CPM: variants seen among roughly 807,000 people sequenced by gnomAD.
The protein encoded by CPM is renal carboxypeptidase.
In CPM, 35 loss-of-function variants were observed where a neutral mutation model predicts 46.4. That is an observed-to-expected ratio of 0.75 (90% CI 0.58 to 1.00). The LOEUF is 1.00. Among genes scored for constraint, CPM ranks in the 50% least tolerant of loss-of-function variants. The pLI is 0.00. For missense variants in CPM, 422 were observed against 530.4 expected (o/e 0.80, Z 2.01); for synonymous variants, 195 against 195.3 (o/e 1.00, Z 0.01).
intron 1 of CPM, among the ~76,000 whole-genome samples, chr12:68,952,608 C>T (rs917605812): frequency 2.6e-5 from 4 of 152,218 alleles, no homozygotes; most frequent in South Asian, 2.1e-4. Flanking sequence ...CCACCTCCCT[C>T]CCCTCATCCC....
At chr12:68,924,244 C>A (rs1245880782) in intron 2 of CPM, among the ~76,000 whole-genome samples, 1 of 151,418 alleles carries the variant, frequency 6.6e-6, no homozygotes, top group Admixed American at 6.6e-5. Flanking sequence ...CGCCTGTAAT[C>A]CCAGCACTTT....
At chr12:68,951,355 T>C (rs1173711035) in intron 1 of CPM, among the ~76,000 whole-genome samples, 1 of 152,226 alleles carries the variant, frequency 6.6e-6, no homozygotes, top group Non-Finnish European at 1.5e-5. Context: ...GCTTAGGGTT[T>C]AGCTGGGGAT....
At chr12:68,913,576 G>C (rs1305537069) in intron 2 of CPM, among the ~76,000 whole-genome samples, 1 of 152,114 alleles carries the variant, frequency 6.6e-6, no homozygotes. Context: ...CTTTGCAAAG[G>C]ATCACGTGTA....
chr12:68,904,279 C>G (rs1445420372), intron 2 of CPM, among the ~76,000 whole-genome samples: 1 of 152,236 alleles, frequency 6.6e-6, no homozygotes, highest in African/African-American at 2.4e-5. Context: ...CAGAGACACT[C>G]TTGACTATAA....
At chr12:68,847,447 CCTTT>C (rs1308015787), downstream of CPM, 8 of 91,176 alleles carry the variant, frequency 8.8e-5, 1 homozygote, top group Non-Finnish European at 1.4e-4. Context: ...TTTTGTATCT[CCTTT>C]CTTTTTTTTT....
intron 1 of CPM, among the ~76,000 whole-genome samples, chr12:68,959,355 C>T (rs1487652503): frequency 1.3e-5 from 2 of 152,216 alleles, no homozygotes; most frequent in South Asian, 2.1e-4. Context: ...CCTAATAAGA[C>T]ATTTCAACTT....
chr12:68,893,435 T>C (rs141791110), intron 2 of CPM, among the ~76,000 whole-genome samples: 1 of 152,288 alleles, frequency 6.6e-6, no homozygotes, highest in East Asian at 1.9e-4. Context: ...TGTCATATTC[T>C]GTGTAGTGGG....
chr12:68,892,995 T>G (rs1886717967), intron 2 of CPM, among the ~76,000 whole-genome samples: 1 of 151,738 alleles, frequency 6.6e-6, no homozygotes, highest in South Asian at 2.1e-4. Context: ...AGGGAGAGCA[T>G]TAGGACAAAT....
chr12:68,845,830 C>T (rs1884248620), intron 5 of CPM: 1 of 152,406 alleles, frequency 6.6e-6, no homozygotes, highest in African/African-American at 2.4e-5. Context: ...GTGCTGCAAA[C>T]ATGACTCACT....
intron 1 of CPM, among the ~76,000 whole-genome samples, chr12:68,955,317 A>C (rs908896531): frequency 6.6e-6 from 1 of 152,318 alleles, no homozygotes; most frequent in South Asian, 2.1e-4. Flanking sequence ...AATTTGTAAA[A>C]CAAAGTACTC....
intron 2 of CPM, among the ~76,000 whole-genome samples, chr12:68,892,634 C>G (rs149988715): frequency 6.6e-6 from 1 of 151,960 alleles, no homozygotes; most frequent in Admixed American, 6.6e-5. Flanking sequence ...CCAAGGCAGG[C>G]GGATCACCTG....
At chr12:68,939,637 C>T (rs115962778) in intron 1 of CPM, among the ~76,000 whole-genome samples, 3 of 151,896 alleles carry the variant, frequency 2.0e-5, no homozygotes, top group Non-Finnish European at 2.9e-5. Context: ...TCTGTAATAA[C>T]GAGTCAGGAT....
At chr12:68,924,575 C>A (rs1466572661) in intron 2 of CPM, among the ~76,000 whole-genome samples, 2 of 151,934 alleles carry the variant, frequency 1.3e-5, no homozygotes, top group Non-Finnish European at 2.9e-5. Context: ...AGGTACTCTG[C>A]GTATTATGTT....
chr12:68,860,371 G>C (rs990565947), intron 7 of CPM, among the ~76,000 whole-genome samples: 1 of 152,034 alleles, frequency 6.6e-6, no homozygotes, highest in Non-Finnish European at 1.5e-5. Context: ...TGTTTAGGTA[G>C]TACCCAATCA....
chr12:68,904,890 C>T (rs1887272472), intron 2 of CPM, among the ~76,000 whole-genome samples: 1 of 152,034 alleles, frequency 6.6e-6, no homozygotes, highest in African/African-American at 2.4e-5. Context: ...CATTTTTAAA[C>T]TGTGCATTAA....
chr12:68,959,038 G>T (rs1275790768), intron 1 of CPM, among the ~76,000 whole-genome samples: 2 of 152,042 alleles, frequency 1.3e-5, no homozygotes, highest in Non-Finnish European at 2.9e-5. Context: ...CCCAGTTCCT[G>T]CACCCCAGCT....
intron 2 of CPM, among the ~76,000 whole-genome samples, chr12:68,906,567 G>A (rs35302366): frequency 0.099 from 15,071 of 151,842 alleles, 833 homozygotes; most frequent in East Asian, 0.17. Flanking sequence ...TTGGTTCACC[G>A]CAGCCTCTGC....
chr12:68,947,553 C>T (rs1000928303), intron 1 of CPM, among the ~76,000 whole-genome samples: 6 of 151,224 alleles, frequency 4.0e-5, no homozygotes, highest in Admixed American at 6.6e-5. Flanking sequence ...GCTGAGATCG[C>T]GCCATTGCAC....
At chr12:68,959,025 G>A (rs987455124) in intron 1 of CPM, among the ~76,000 whole-genome samples, 1 of 152,022 alleles carries the variant, frequency 6.6e-6, no homozygotes, top group Non-Finnish European at 1.5e-5. Flanking sequence ...CTTAGATGTA[G>A]CCCCCAGTTC....
Sources: allele counts gnomAD v4.1 joint callset (sites outside exome capture counted in the v4.1 genomes callset), GRCh38; gene constraint gnomAD v4.1.1; transcripts MANE v1.5; gene names NCBI Gene and HGNC (gene_info 2026-07-23, HGNC 2026-07-21).